Variants in UACA observed in about 807,000 individuals in gnomAD.
UACA encodes nuclear membrane binding protein.
UACA carries 112 observed loss-of-function variants against 160.5 expected under a neutral mutation model. The ratio of observed to expected loss-of-function variants is 0.70; its 90% confidence interval spans 0.60 to 0.82. The LOEUF (loss-of-function observed/expected upper bound fraction) is 0.82, where lower values mean the gene tolerates loss of function less well. UACA is among the 40% of genes least tolerant of loss of function. The pLI is 0.00. For missense variants in UACA, 1,574 were observed against 1,614.6 expected (o/e 0.97, Z 0.43); for synonymous variants, 557 against 568.4 (o/e 0.98, Z 0.29).
chr15:70,670,394 A>C (rs1430682303), intron 15 of UACA, among the ~76,000 whole-genome samples: 1 of 152,194 alleles, frequency 6.6e-6, no homozygotes, highest in Non-Finnish European at 1.5e-5. Context: ...AAGCCAGTGC[A>C]TAAAAATCCC....
At position 70,668,529 on chromosome 15, in the gene UACA, T is replaced by C; in HGVS notation, c.2155A>G (p.Ile719Val). Residue 719 changes from isoleucine to valine, a missense_variant, in exon 16 of 19, where the codon ATT becomes GTT. Physicochemically the swap from Ile to Val is conservative, Grantham distance 29. Transcript: ENST00000322954. ...TLKNQTLQKE[I>V]EKVYLDNKLL... Reference sequence around the variant, plus strand: ...TTATTATCCAAATAAACTTTTTCAATTTCCTTTTGTAGTGTCTGATTTTTC... The same window carrying C: ...TTATTATCCAAATAAACTTTTTCAACTTCCTTTTGTAGTGTCTGATTTTTC... 6.2e-7 allele frequency: 1 copy of C among 1,609,956 alleles called. No homozygotes were observed. Among genetic ancestry groups the C allele is most frequent in the Non-Finnish European group, 8.5e-7 (1 of 1,179,254 alleles).
In UACA at chr15:70,668,959, T is replaced by C. The variant is rs1897039182; in HGVS notation, c.1725A>G (p.Glu575=). 2.5e-6 allele frequency: 4 copies of C among 1,613,998 alleles called. No homozygotes were observed. In the South Asian group the frequency reaches 3.3e-5, roughly 13 times the overall value. ...NQIKQNEMIV[E]EFKRDEGKLI... ...GCTTGCCTTCATCCCTCTTAAACTC[T>C]TCTACTATCATCTCATTTTGTTTGA... The change falls in exon 16 of 19, where the codon GAA becomes GAG. Residue 575 remains glutamate, a synonymous_variant. Transcript: ENST00000322954.
chr15:70,710,573 T>G (rs527383783), intron 1 of UACA, among the ~76,000 whole-genome samples: 1 of 152,292 alleles, frequency 6.6e-6, no homozygotes, highest in South Asian at 2.1e-4. Context: ...AGATGCCAAC[T>G]GCAAGCCCCA....
intron 1 of UACA, among the ~76,000 whole-genome samples, chr15:70,737,829 A>G (rs1899415123): frequency 6.6e-6 from 1 of 152,252 alleles, no homozygotes; most frequent in African/African-American, 2.4e-5. Flanking sequence ...CTGTACCTCA[A>G]GCATAGCCTT....
chr15:70,749,698 C>CAAAAAAA (rs11292883), intron 1 of UACA, among the ~76,000 whole-genome samples: 4 of 70,042 alleles, frequency 5.7e-5, no homozygotes, highest in Admixed American at 1.9e-4. Flanking sequence ...GACTCCGTCT[C>CAAAAAAA]AAAAAAAAAA....
intron 1 of UACA, among the ~76,000 whole-genome samples, chr15:70,719,120 GGAGAA>G (rs1350891139): frequency 1.3e-5 from 2 of 150,978 alleles, no homozygotes; most frequent in Non-Finnish European, 2.9e-5. Context: ...AGAAGGAGAA[GGAGAA>G]GAGAAGAGAA....
Position 70,668,280 on chromosome 15 carries a change from C to T in UACA, c.2404G>A (p.Val802Met). The change falls in exon 16 of 19, where the codon GTG becomes ATG. Residue 802 changes from valine (V) to methionine (M), a missense_variant. Transcript: ENST00000322954. ...LSKDVSRLETVFVPPEKHEKE... is the reference protein window; with the variant it reads ...LSKDVSRLETMFVPPEKHEKE... Reference sequence around the variant, plus strand: ...TCATGTTTCTCAGGAGGTACAAACACAGTTTCTAGGCGGCTTACATCCTTA... The same window carrying T: ...TCATGTTTCTCAGGAGGTACAAACATAGTTTCTAGGCGGCTTACATCCTTA... 1 of 1,613,540 alleles carries T rather than the reference C, an allele frequency of 6.2e-7. No homozygotes were observed. Among genetic ancestry groups the T allele is most frequent in the South Asian group, 1.1e-5 (1 of 91,018 alleles).
chr15:70,671,144 G>A, intron 14 of UACA, 53 bp from the exon 15 acceptor site: 1 of 1,232,970 alleles, frequency 8.1e-7, no homozygotes, highest in Admixed American at 2.1e-5. Flanking sequence ...TACTAAAGTA[G>A]GCTAAACATT....
At chr15:70,749,698 C>CAAAAAAAAAAAAAAAAAAAAAAAAAAAAA (rs11292883) in intron 1 of UACA, among the ~76,000 whole-genome samples, 1 of 70,056 alleles carries the variant, frequency 1.4e-5, no homozygotes, top group African/African-American at 5.2e-5. Context: ...GACTCCGTCT[C>CAAAAAAAAAAAAAAAAAAAAAAAAAAAAA]AAAAAAAAAA....
At chr15:70,709,041 C>A (rs1036117103) in intron 1 of UACA, among the ~76,000 whole-genome samples, 1 of 152,152 alleles carries the variant, frequency 6.6e-6, no homozygotes. Context: ...AAAAGCAGCA[C>A]GTCCTTTCCA....
intron 1 of UACA, among the ~76,000 whole-genome samples, chr15:70,740,157 T>G (rs1412758657): frequency 2.6e-5 from 3 of 113,754 alleles, no homozygotes; most frequent in African/African-American, 5.2e-5. Flanking sequence ...ACTATATAAA[T>G]CAAACTACTT....
chr15:70,749,969 A>G (rs1383552718), intron 1 of UACA, among the ~76,000 whole-genome samples: 1 of 152,172 alleles, frequency 6.6e-6, no homozygotes, highest in Non-Finnish European at 1.5e-5. Flanking sequence ...TCAATCAGGG[A>G]CTGAACAGTG....
In UACA at chr15:70,693,955, T is replaced by A. The variant is rs114954632; in HGVS notation, c.301+1062A>T. Among the ~76,000 whole-genome samples the A allele has an allele frequency of 5.5e-3, 841 of 152,304 alleles. 8 individuals carry two copies. The highest frequency in any genetic ancestry group is 0.019 in the African/African-American group (799 of 41,580). ...TTGGTCTTCTTAGAATCTGATGTAT[T>A]CTTAAGTAAAGATTTACCTCACTAA... On this transcript the variant is annotated intron_variant, in intron 3 of 18. Coordinates refer to ENST00000322954, the MANE Select transcript of UACA (RefSeq NM_018003.4).
At chr15:70,761,604 T>C (rs2030758279) in intron 1 of UACA, among the ~76,000 whole-genome samples, 1 of 152,244 alleles carries the variant, frequency 6.6e-6, no homozygotes, top group African/African-American at 2.4e-5. Flanking sequence ...GTTTTATTCC[T>C]CATTACGCTT....
intron 1 of UACA, among the ~76,000 whole-genome samples, chr15:70,762,380 T>C (rs1227134577): frequency 6.6e-6 from 1 of 152,268 alleles, no homozygotes; most frequent in African/African-American, 2.4e-5. Flanking sequence ...ACTGTGCAGT[T>C]GGAGCATAAC....
upstream of UACA, chr15:70,768,166 C>T (rs1162918035): frequency 6.6e-6 from 1 of 152,206 alleles, no homozygotes; most frequent in Non-Finnish European, 1.5e-5. Flanking sequence ...ACTAAAATTT[C>T]AAGTGGTATC....
intron 13 of UACA, among the ~76,000 whole-genome samples, chr15:70,674,659 C>T (rs1897251812): frequency 1.3e-5 from 2 of 152,048 alleles, no homozygotes; most frequent in African/African-American, 2.4e-5. Context: ...AGTGCAGTGG[C>T]GTGATCTCAC....
chr15:70,656,803 T>C lies in UACA; in HGVS notation c.*253A>G. On this transcript the variant is annotated 3_prime_UTR_variant, in exon 19 of 19. Transcript: ENST00000322954. Reference sequence around the variant, plus strand: ...TATTAGGGACTTGAAGGTTTAAAAATATGTAGTCAATCCAGGGCAAAGTTA... The same window carrying C: ...TATTAGGGACTTGAAGGTTTAAAAACATGTAGTCAATCCAGGGCAAAGTTA... 2.9e-6 allele frequency: 1 copy of C among 345,742 alleles called. No homozygotes were observed. Among genetic ancestry groups the C allele is most frequent in the East Asian group, 4.7e-5 (1 of 21,214 alleles). 21.4% of individuals were successfully genotyped at this position (345,742 alleles called of 1,614,324 possible). A position where few individuals can be genotyped will look rare whatever the true frequency, so the allele number is the denominator to read the frequency against.
intron 1 of UACA, chr15:70,701,981 G>A (rs187362390): frequency 1.3e-6 from 2 of 1,599,418 alleles, no homozygotes; most frequent in African/African-American, 2.7e-5. Flanking sequence ...ATCTCTGTAA[G>A]CTCACAAAGC....
Sources: allele counts gnomAD v4.1 joint callset (sites outside exome capture counted in the v4.1 genomes callset), GRCh38; gene constraint gnomAD v4.1.1; transcripts MANE v1.5; gene names NCBI Gene and HGNC (gene_info 2026-07-23, HGNC 2026-07-21).